Variants in TCEA3 observed in about 807,000 individuals in gnomAD.
TCEA3 encodes transcription elongation factor A protein 3.
TCEA3 carries 36 observed loss-of-function variants against 44.0 expected under a neutral mutation model. The ratio of observed to expected loss-of-function variants is 0.82; its 90% confidence interval spans 0.63 to 1.08. The LOEUF (loss-of-function observed/expected upper bound fraction) is 1.08. Among genes scored for constraint, TCEA3 ranks in the 50% least tolerant of loss-of-function variants. The probability of loss-of-function intolerance (pLI) is 0.00; values close to 1 mark genes in which losing one functional copy is unlikely to be tolerated. For synonymous variants in TCEA3, 162 were observed against 159.7 expected (o/e 1.01, Z -0.11); for missense variants, 392 against 441.2 (o/e 0.89, Z 1.00).
chr1:23,397,652 T>C (rs1229981974), intron 6 of TCEA3, 51 bp from the exon 7 acceptor site: 2 of 1,606,262 alleles, frequency 1.2e-6, no homozygotes, highest in East Asian at 2.2e-5. Context: ...ACGTAGGCAG[T>C]GAAGCCTGCT....
At chr1:23,397,713 G>T in intron 6 of TCEA3, 79 bp downstream of exon 6, 1 of 1,609,320 alleles carries the variant, frequency 6.2e-7, no homozygotes, top group South Asian at 1.1e-5. Flanking sequence ...TGCTGAGAAA[G>T]ACTGAATTTC....
chr1:23,384,333 T>C lies in TCEA3; in HGVS notation c.1038+13A>G, dbSNP rs750694966. 27 of 1,613,762 alleles carry C rather than the reference T, an allele frequency of 1.7e-5. No individual in the cohort carries two copies. Among genetic ancestry groups the C allele is most frequent in the Non-Finnish European group, 2.0e-5 (24 of 1,179,850 alleles). On this transcript the variant is annotated intron_variant, in intron 10 of 10. Transcript: ENST00000450454. The stretch of plus-strand genomic sequence containing the variant: ...GGATAACAGGGAAGGGGGAAATACA[T>C]AAACATACAGACCTTCCAGCGATTG...
intron 9 of TCEA3, 28 bp downstream of exon 9, chr1:23,387,245 C>T (rs1476097287): frequency 3.1e-6 from 5 of 1,610,846 alleles, no homozygotes; most frequent in South Asian, 1.1e-5. Flanking sequence ...CCTCCTGCAC[C>T]TCCGGCCCGT....
intron 4 of TCEA3, among the ~76,000 whole-genome samples, chr1:23,414,689 C>T (rs1266816787): frequency 2.0e-5 from 3 of 152,242 alleles, no homozygotes; most frequent in African/African-American, 7.2e-5. Context: ...GCATGAGACA[C>T]TGCACCCGGC....
At chr1:23,383,539 G>A in intron 10 of TCEA3, 1 of 949,088 alleles carries the variant, frequency 1.1e-6, no homozygotes, top group Non-Finnish European at 1.3e-6. Flanking sequence ...TTTGCTCAAT[G>A]AGGTGAGTAA....
At chr1:23,388,388 G>C (rs1234100812) in intron 8 of TCEA3, among the ~76,000 whole-genome samples, 1 of 151,788 alleles carries the variant, frequency 6.6e-6, no homozygotes, top group African/African-American at 2.4e-5. Context: ...AGTAGAGACG[G>C]GGTTTCACCA....
intron 4 of TCEA3, among the ~76,000 whole-genome samples, chr1:23,413,067 G>A (rs1436721274): frequency 6.6e-6 from 1 of 152,108 alleles, no homozygotes; most frequent in Non-Finnish European, 1.5e-5. Context: ...ACAATTTAGT[G>A]TCCCAGGAAA....
At position 23,399,144 on chromosome 1, in the gene TCEA3, GTATA is replaced by G. The variant is rs60424866; in HGVS notation, c.444-1193_444-1190del. ...GTTTTGTTTATATATATGTATATAT[GTATA>G]TATATATATATATATATATATATAT... On this transcript the variant is annotated intron_variant, in intron 5 of 10. Coordinates refer to ENST00000450454, the MANE Select transcript of TCEA3 (RefSeq NM_003196.3). Among the ~76,000 whole-genome samples the G allele has an allele frequency of 6.6e-3, 404 of 61,136 alleles. 6 individuals carry two copies. Among genetic ancestry groups the G allele is most frequent in the Middle Eastern group, 0.044 (4 of 90 alleles). 40.1% of individuals were successfully genotyped at this position (61,136 alleles called of 152,430 possible).
intron 5 of TCEA3, among the ~76,000 whole-genome samples, chr1:23,408,111 A>G (rs1457254725): frequency 2.6e-5 from 4 of 151,872 alleles, no homozygotes; most frequent in Non-Finnish European, 5.9e-5. Flanking sequence ...ACAGGTGCCC[A>G]CCACCATGCC....
At chr1:23,384,288 C>A (rs781617021) in intron 10 of TCEA3, 58 bp downstream of exon 10, 1 of 1,613,028 alleles carries the variant, frequency 6.2e-7, no homozygotes, top group Admixed American at 1.7e-5. Context: ...TACACTACGC[C>A]TTATGCGGGC....
intron 4 of TCEA3, chr1:23,412,199 AAATCACGTAT>A: frequency 6.6e-6 from 1 of 152,170 alleles, no homozygotes; most frequent in East Asian, 1.9e-4. Flanking sequence ...TCTCATTTCC[AAATCACGTAT>A]AATCTTTATA....
intron 5 of TCEA3, among the ~76,000 whole-genome samples, chr1:23,404,957 C>T (rs1639501476): frequency 6.6e-6 from 1 of 151,874 alleles, no homozygotes; most frequent in African/African-American, 2.4e-5. Flanking sequence ...GATCCTGTCT[C>T]AGAAAAGGTG....
At chr1:23,395,999 C>T (rs1464879255) in intron 7 of TCEA3, among the ~76,000 whole-genome samples, 1 of 152,082 alleles carries the variant, frequency 6.6e-6, no homozygotes, top group Non-Finnish European at 1.5e-5. Context: ...GTTCTCATAC[C>T]TTGTGTTCTG....
rs766513265 is a variant in TCEA3, at chr1:23,408,654, T to C, written c.443+10A>G. ...GACACTGGGATGGAGAAAGCTGTGG[T>C]TTCCTTTACCTTTCCACCGATGGTC... is the stretch of plus-strand genomic sequence containing the variant. On this transcript the variant is annotated intron_variant, in intron 5 of 10. Transcript: ENST00000450454. 1.2e-6 allele frequency: 2 copies of C among 1,609,688 alleles called. No individual in the cohort carries two copies. Among genetic ancestry groups the C allele is most frequent in the East Asian group, 2.2e-5 (1 of 44,842 alleles).
chr1:23,405,294 A>T (rs77121970), intron 5 of TCEA3, among the ~76,000 whole-genome samples: 5,391 of 152,304 alleles, frequency 0.035, 321 homozygotes, highest in South Asian at 0.24. Flanking sequence ...TCTGGGTAGG[A>T]GACAAATTAA....
At chr1:23,405,809 T>A (rs1017376087) in intron 5 of TCEA3, among the ~76,000 whole-genome samples, 1 of 152,178 alleles carries the variant, frequency 6.6e-6, no homozygotes, top group Non-Finnish European at 1.5e-5. Flanking sequence ...AATCCTTACA[T>A]GAATGTCGAG....
intron 9 of TCEA3, among the ~76,000 whole-genome samples, chr1:23,386,851 G>A (rs943936465): frequency 3.9e-5 from 6 of 152,170 alleles, no homozygotes; most frequent in Non-Finnish European, 7.3e-5. Flanking sequence ...CTCCTGAGTA[G>A]CTGGGACTAC....
chr1:23,406,043 G>T (rs1639534559), intron 5 of TCEA3, among the ~76,000 whole-genome samples: 1 of 152,056 alleles, frequency 6.6e-6, no homozygotes. Context: ...ATTTCTAAAT[G>T]ACCCCTGCTG....
At chr1:23,404,896 G>C (rs1003776404) in intron 5 of TCEA3, among the ~76,000 whole-genome samples, 9 of 152,120 alleles carry the variant, frequency 5.9e-5, no homozygotes, top group African/African-American at 1.9e-4. Flanking sequence ...AGCCCAGGAG[G>C]TTGAGGCTGC....
Sources: gnomAD v4.1 joint callset for allele counts (sites outside exome capture counted in the v4.1 genomes callset) on GRCh38, gnomAD v4.1.1 for gene constraint, MANE v1.5 for transcripts, NCBI Gene and HGNC (gene_info 2026-07-23, HGNC 2026-07-21) for gene names.